Variants in ROBO2 observed in about 807,000 individuals in gnomAD.
ROBO2 encodes roundabout homolog 2.
ROBO2 carries 53 observed loss-of-function variants against 160.8 expected under a neutral mutation model. The ratio of observed to expected loss-of-function variants is 0.33; its 90% confidence interval spans 0.26 to 0.41. The LOEUF is 0.41. ROBO2 is among the 10% of genes least tolerant of loss of function. The pLI, the probability that ROBO2 is intolerant of heterozygous loss-of-function variation, is 1.00. For missense variants in ROBO2, 1,577 were observed against 1,722.4 expected (o/e 0.92, Z 1.49); for synonymous variants, 664 against 611.7 (o/e 1.09, Z -1.26).
intron 2 of ROBO2, among the ~76,000 whole-genome samples, chr3:76,470,771 A>G (rs1252612595): frequency 2.0e-5 from 3 of 152,144 alleles, no homozygotes; most frequent in African/African-American, 7.2e-5. Flanking sequence ...TTTGGGGGCC[A>G]TCTTTGGAGA....
At chr3:77,080,290 CA>C (rs1470217374) in intron 1 of ROBO2, among the ~76,000 whole-genome samples, 5 of 152,128 alleles carry the variant, frequency 3.3e-5, no homozygotes, top group African/African-American at 4.8e-5. Flanking sequence ...AAGACAATCG[CA>C]GAGGCATCTG....
chr3:76,468,932 G>A (rs573578583), intron 2 of ROBO2, among the ~76,000 whole-genome samples: 16 of 151,838 alleles, frequency 1.1e-4, no homozygotes, highest in South Asian at 4.1e-4. Flanking sequence ...CCTACTTCAC[G>A]TCTCTCTTTT....
intron 2 of ROBO2, among the ~76,000 whole-genome samples, chr3:76,329,578 T>A (rs771295850): frequency 6.6e-6 from 1 of 152,132 alleles, no homozygotes; most frequent in African/African-American, 2.4e-5. Context: ...AATGAGTAGC[T>A]GTAAGTTAGT....
intron 2 of ROBO2, among the ~76,000 whole-genome samples, chr3:77,332,335 A>C (rs1306886088): frequency 6.6e-6 from 1 of 152,172 alleles, no homozygotes; most frequent in Non-Finnish European, 1.5e-5. Flanking sequence ...GTGAGCCATC[A>C]GTCCAGGTGG....
At chr3:76,787,654 C>G (rs1309487323) in intron 2 of ROBO2, among the ~76,000 whole-genome samples, 1 of 151,440 alleles carries the variant, frequency 6.6e-6, no homozygotes, top group Non-Finnish European at 1.5e-5. Flanking sequence ...ATGCACATTT[C>G]ACTCTCTTGG....
chr3:76,564,200 C>T (rs751952962), intron 2 of ROBO2, among the ~76,000 whole-genome samples: 11 of 152,274 alleles, frequency 7.2e-5, no homozygotes, highest in East Asian at 1.9e-4. Flanking sequence ...AGCAAGACTC[C>T]GTCTCAAAAA....
intron 2 of ROBO2, among the ~76,000 whole-genome samples, chr3:77,289,242 G>A (rs1435033767): frequency 1.3e-5 from 2 of 152,134 alleles, no homozygotes; most frequent in East Asian, 1.9e-4. Flanking sequence ...ATTGTAAATT[G>A]AGGTAAGTTC....
intron 2 of ROBO2, among the ~76,000 whole-genome samples, chr3:76,302,310 C>T (rs1709402100): frequency 6.6e-6 from 1 of 152,020 alleles, no homozygotes; most frequent in Admixed American, 6.6e-5. Flanking sequence ...TATCAATGAT[C>T]TGAGAACTCT....
chr3:76,617,042 C>T (rs546122662), intron 2 of ROBO2, among the ~76,000 whole-genome samples: 1 of 152,054 alleles, frequency 6.6e-6, no homozygotes, highest in Non-Finnish European at 1.5e-5. Context: ...CACAGTGTGG[C>T]CCAGGGCATT....
intron 2 of ROBO2, among the ~76,000 whole-genome samples, chr3:77,304,884 C>G (rs60045555): frequency 0.36 from 54,970 of 151,974 alleles, 10,270 homozygotes; most frequent in Middle Eastern, 0.5. Flanking sequence ...AGCGTACATA[C>G]GTAAGCTGTA....
intron 2 of ROBO2, among the ~76,000 whole-genome samples, chr3:76,702,456 AAC>A (rs2093065633): frequency 6.6e-6 from 1 of 152,062 alleles, no homozygotes; most frequent in African/African-American, 2.4e-5. Context: ...AAAACAAACA[AAC>A]AAACAAACAG....
chr3:76,398,778 A>C (rs188729761), intron 2 of ROBO2, among the ~76,000 whole-genome samples: 1 of 151,874 alleles, frequency 6.6e-6, no homozygotes, highest in Non-Finnish European at 1.5e-5. Flanking sequence ...TTAGTTTAGC[A>C]TATGCTATTA....
At chr3:77,451,721 T>G (rs1291295344) in intron 2 of ROBO2, among the ~76,000 whole-genome samples, 2 of 152,048 alleles carry the variant, frequency 1.3e-5, no homozygotes, top group Non-Finnish European at 2.9e-5. Flanking sequence ...TCTTTCTTTT[T>G]TTTGTGTGTG....
At chr3:76,248,313 A>C (rs1023090594) in intron 2 of ROBO2, among the ~76,000 whole-genome samples, 1 of 152,076 alleles carries the variant, frequency 6.6e-6, no homozygotes, top group Admixed American at 6.6e-5. Flanking sequence ...ATGCAGCCAT[A>C]AAAAATGATG....
intron 11 of ROBO2, chr3:77,564,526 A>C (rs2093424796): frequency 2.2e-6 from 1 of 453,108 alleles, no homozygotes; most frequent in Non-Finnish European, 4.4e-6. Context: ...GTAACAGGAA[A>C]ATGTATTGGC....
intron 1 of ROBO2, among the ~76,000 whole-genome samples, chr3:77,068,105 A>G (rs2067050353): frequency 6.6e-6 from 1 of 152,120 alleles, no homozygotes; most frequent in African/African-American, 2.4e-5. Context: ...CCAAAAACAC[A>G]CCATTAGTCT....
intron 24 of ROBO2, among the ~76,000 whole-genome samples, chr3:77,638,297 A>G (rs2095297051): frequency 6.6e-6 from 1 of 152,232 alleles, no homozygotes; most frequent in African/African-American, 2.4e-5. Context: ...AACCTTTTGC[A>G]TTATAGATTT....
At chr3:76,216,630 C>G (rs1277431072) in intron 2 of ROBO2, among the ~76,000 whole-genome samples, 2 of 152,282 alleles carry the variant, frequency 1.3e-5, no homozygotes, top group African/African-American at 4.8e-5. Context: ...TATATATGCA[C>G]CCAATACAGG....
At chr3:76,655,788 G>C (rs2091491979) in intron 2 of ROBO2, among the ~76,000 whole-genome samples, 1 of 149,072 alleles carries the variant, frequency 6.7e-6, no homozygotes, top group Non-Finnish European at 1.5e-5. Flanking sequence ...AAGGGATGAA[G>C]GGGGTCAAAT....
Sources: gnomAD v4.1 joint callset for allele counts (sites outside exome capture counted in the v4.1 genomes callset) on GRCh38, gnomAD v4.1.1 for gene constraint, MANE v1.5 for transcripts, NCBI Gene and HGNC (gene_info 2026-07-23, HGNC 2026-07-21) for gene names.